Variants in LGSN observed in about 807,000 individuals in gnomAD.
The protein encoded by LGSN is lengsin, lens protein with glutamine synthetase domain.
LGSN carries 21 observed loss-of-function variants against 19.5 expected under a neutral mutation model. The observed-to-expected ratio is 1.07, with a 90% CI of 0.76 to 1.55. The LOEUF (loss-of-function observed/expected upper bound fraction) is 1.55. LGSN is among the 40% of genes most tolerant of loss of function. LGSN has a pLI of 0.00. For synonymous variants in LGSN, 257 were observed against 215.6 expected (o/e 1.19, Z -1.68); for missense variants, 673 against 608.5 (o/e 1.11, Z -1.12).
the LGSN span, among the ~76,000 whole-genome samples, chr6:63,353,804 A>G: frequency 6.6e-6 from 1 of 152,078 alleles, no homozygotes; most frequent in African/African-American, 2.4e-5. Flanking sequence ...TGACACATAG[A>G]CCAATGAAAC....
At chr6:63,358,091 T>C in the LGSN span, among the ~76,000 whole-genome samples, 226 of 152,346 alleles carry the variant, frequency 1.5e-3, no homozygotes, top group Non-Finnish European at 2.2e-3. Context: ...AAATAGGGAA[T>C]CCTTTCCCCA....
chr6:63,487,302 G>T, the LGSN span, among the ~76,000 whole-genome samples: 1 of 152,112 alleles, frequency 6.6e-6, no homozygotes, highest in Non-Finnish European at 1.5e-5. Flanking sequence ...AAACAAATCT[G>T]CCTTCTGACA....
chr6:63,400,205 A>C, the LGSN span, among the ~76,000 whole-genome samples: 1 of 152,218 alleles, frequency 6.6e-6, no homozygotes, highest in Non-Finnish European at 1.5e-5. Flanking sequence ...TTGTATTGAT[A>C]TCACTAAAGA....
chr6:63,385,127 C>A, the LGSN span, among the ~76,000 whole-genome samples: 7 of 152,086 alleles, frequency 4.6e-5, no homozygotes, highest in African/African-American at 1.7e-4. Context: ...CCCTAGAAAT[C>A]TAATATAGTC....
chr6:63,446,213 C>T, the LGSN span, among the ~76,000 whole-genome samples: 1 of 143,130 alleles, frequency 7.0e-6, no homozygotes, highest in Non-Finnish European at 1.5e-5. Context: ...TCGGCCACTG[C>T]ACTCCAGCCT....
chr6:63,358,591 G>A, the LGSN span, among the ~76,000 whole-genome samples: 1 of 152,114 alleles, frequency 6.6e-6, no homozygotes, highest in Non-Finnish European at 1.5e-5. Context: ...TCTCTTTGAA[G>A]CAATTGTGAA....
chr6:63,520,398 G>A, the LGSN span, among the ~76,000 whole-genome samples: 14 of 152,182 alleles, frequency 9.2e-5, no homozygotes, highest in South Asian at 2.3e-3. Flanking sequence ...AGACTGAGGC[G>A]GGCGGATCAC....
the LGSN span, among the ~76,000 whole-genome samples, chr6:63,358,741 A>G: frequency 6.6e-6 from 1 of 152,192 alleles, no homozygotes; most frequent in Non-Finnish European, 1.5e-5. Flanking sequence ...GGCTGAGACA[A>G]TGGGGTTTTC....
the LGSN span, among the ~76,000 whole-genome samples, chr6:63,412,573 A>G: frequency 5.5e-5 from 7 of 128,288 alleles, no homozygotes; most frequent in Non-Finnish European, 9.2e-5. Flanking sequence ...AAAGAAAGGA[A>G]GGAAGGAAAG....
intron 1 of LGSN, among the ~76,000 whole-genome samples, chr6:63,309,851 T>A (rs1438949038): frequency 2.0e-5 from 3 of 152,220 alleles, no homozygotes. Context: ...ACTCCACAAT[T>A]TCTAGCCATT....
chr6:63,323,907 G>C (rs1769161255), upstream of LGSN, among the ~76,000 whole-genome samples: 1 of 151,490 alleles, frequency 6.6e-6, no homozygotes, highest in African/African-American at 2.4e-5. Context: ...AGATAGCTGG[G>C]ATTACAGGCA....
At chr6:63,456,312 A>G in the LGSN span, among the ~76,000 whole-genome samples, 2 of 143,274 alleles carry the variant, frequency 1.4e-5, no homozygotes, top group Admixed American at 7.3e-5. Context: ...CCTTGAGTCT[A>G]TACTCCCAGG....
the LGSN span, among the ~76,000 whole-genome samples, chr6:63,339,877 A>G: frequency 6.6e-6 from 1 of 151,820 alleles, no homozygotes; most frequent in South Asian, 2.1e-4. Context: ...ATGTGTTTTC[A>G]TGATGTCAGA....
chr6:63,464,595 A>G, the LGSN span, among the ~76,000 whole-genome samples: 1 of 151,264 alleles, frequency 6.6e-6, no homozygotes, highest in Non-Finnish European at 1.5e-5. Context: ...GTCAGGTTAG[A>G]AGTAATGAAG....
chr6:63,484,214 A>C, the LGSN span, among the ~76,000 whole-genome samples: 12 of 152,154 alleles, frequency 7.9e-5, no homozygotes, highest in Non-Finnish European at 1.3e-4. Context: ...ATAGGCATCA[A>C]AAATCTGGGC....
At chr6:63,320,051 A>G, upstream of LGSN, 1 of 856,792 alleles carries the variant, frequency 1.2e-6, no homozygotes, top group South Asian at 1.4e-5. Context: ...GATGAATTCC[A>G]TAGAGGCTTT....
chr6:63,378,365 C>T, the LGSN span, among the ~76,000 whole-genome samples: 3 of 152,092 alleles, frequency 2.0e-5, no homozygotes, highest in Non-Finnish European at 4.4e-5. Context: ...ATATGCTTCT[C>T]CCACCCCACC....
chr6:63,546,706 C>CAA, the LGSN span, among the ~76,000 whole-genome samples: 15 of 140,320 alleles, frequency 1.1e-4, no homozygotes, highest in African/African-American at 3.7e-4. Flanking sequence ...AACTCCATCT[C>CAA]AAAAAAAAAA....
chr6:63,334,856 G>A, the LGSN span, among the ~76,000 whole-genome samples: 1 of 151,994 alleles, frequency 6.6e-6, no homozygotes, highest in Non-Finnish European at 1.5e-5. Context: ...AAAATACATT[G>A]GGCTGGGCGC....
Sources: gnomAD v4.1 joint callset for allele counts (sites outside exome capture counted in the v4.1 genomes callset) on GRCh38, gnomAD v4.1.1 for gene constraint, MANE v1.5 for transcripts, NCBI Gene and HGNC (gene_info 2026-07-23, HGNC 2026-07-21) for gene names.